Variants in SLC9C1 observed in about 807,000 individuals in gnomAD.
SLC9C1 encodes the protein solute carrier family 9 member C1, also known as sodium/hydrogen exchanger 10.
SLC9C1 carries 97 observed loss-of-function variants against 140.9 expected under a neutral mutation model. The observed-to-expected ratio is 0.69, with a 90% CI of 0.58 to 0.82. The LOEUF (loss-of-function observed/expected upper bound fraction) is 0.82, where lower values mean the gene tolerates loss of function less well. Among genes scored for constraint, SLC9C1 ranks in the 40% least tolerant of loss-of-function variants. The pLI is 0.00. For missense variants in SLC9C1, 1,340 were observed against 1,389.3 expected (o/e 0.96, Z 0.56); for synonymous variants, 440 against 442.6 (o/e 0.99, Z 0.07).
chr3:112,234,969 TG>T (rs1020235184), intron 12 of SLC9C1, among the ~76,000 whole-genome samples: 3 of 151,990 alleles, frequency 2.0e-5, no homozygotes, highest in Non-Finnish European at 4.4e-5. Context: ...GGCTCTTTTT[TG>T]GTTCCACATG....
chr3:112,280,026 CAT>C (rs1256558697), intron 3 of SLC9C1, among the ~76,000 whole-genome samples: 1 of 152,192 alleles, frequency 6.6e-6, no homozygotes, highest in Non-Finnish European at 1.5e-5. Context: ...GTGTCAAAAT[CAT>C]ATGATTACAA....
At chr3:112,258,814 T>A (rs1365570660) in intron 10 of SLC9C1, among the ~76,000 whole-genome samples, 1 of 151,796 alleles carries the variant, frequency 6.6e-6, no homozygotes, top group Non-Finnish European at 1.5e-5. Context: ...TTCTGCAGAG[T>A]GTACAGGAAG....
At chr3:112,217,404 A>T (rs766903197) in intron 15 of SLC9C1, 38 bp downstream of exon 15, 2 of 1,544,458 alleles carry the variant, frequency 1.3e-6, no homozygotes, top group Non-Finnish European at 1.7e-6. Flanking sequence ...TTTCAAGTGA[A>T]TATAATAGCA....
intron 7 of SLC9C1, among the ~76,000 whole-genome samples, chr3:112,267,264 G>A (rs1293563566): frequency 6.6e-6 from 1 of 151,958 alleles, no homozygotes; most frequent in Non-Finnish European, 1.5e-5. Context: ...CTGGGCAACA[G>A]AGCAAGACTC....
chr3:112,217,691 G>A lies in SLC9C1; in HGVS notation c.1671-130C>T, dbSNP rs1205437650. 1.7e-5 allele frequency: 13 copies of A among 747,976 alleles called. No individual in the cohort carries two copies. The Admixed American group carries it at 3.0e-4, about 17-fold the overall frequency. 46.3% of individuals were successfully genotyped at this position (747,976 alleles called of 1,614,324 possible). On this transcript the variant is annotated intron_variant, in intron 14 of 28. Coordinates refer to ENST00000305815, the MANE Select transcript of SLC9C1 (RefSeq NM_183061.3). Reference sequence around the variant, plus strand: ...CAGGAAGACTATTTTGTGCCATGATGGTTGGATTAAGACATTTTCATGGGC... The same window carrying A: ...CAGGAAGACTATTTTGTGCCATGATAGTTGGATTAAGACATTTTCATGGGC...
At chr3:112,236,213 G>A (rs897858229) in intron 12 of SLC9C1, among the ~76,000 whole-genome samples, 5 of 152,018 alleles carry the variant, frequency 3.3e-5, no homozygotes, top group African/African-American at 1.2e-4. Flanking sequence ...TGCATGTGTC[G>A]AGGAATTTAT....
At chr3:112,144,461 A>AT (rs1038924707) in intron 28 of SLC9C1, among the ~76,000 whole-genome samples, 2 of 151,382 alleles carry the variant, frequency 1.3e-5, no homozygotes, top group Admixed American at 6.6e-5. Flanking sequence ...ACACCCGGCC[A>AT]TTTTTTTTCT....
chr3:112,242,952 C>T (rs35140548), intron 11 of SLC9C1, among the ~76,000 whole-genome samples: 35,103 of 152,024 alleles, frequency 0.23, 5,049 homozygotes, highest in Non-Finnish European at 0.33. Context: ...AAATGCAAAT[C>T]AAAATCACAA....
chr3:112,160,257 T>C (rs1319030604), intron 26 of SLC9C1, among the ~76,000 whole-genome samples: 1 of 151,178 alleles, frequency 6.6e-6, no homozygotes, highest in Non-Finnish European at 1.5e-5. Context: ...TATTTATTTA[T>C]TTTTTTAAGT....
chr3:112,245,280 T>C (rs2079249554), intron 10 of SLC9C1, among the ~76,000 whole-genome samples: 1 of 152,214 alleles, frequency 6.6e-6, no homozygotes, highest in Non-Finnish European at 1.5e-5. Flanking sequence ...TTTGAAGAAG[T>C]GTCTGTTCAA....
At chr3:112,267,029 C>G (rs1420022871) in intron 7 of SLC9C1, among the ~76,000 whole-genome samples, 1 of 152,116 alleles carries the variant, frequency 6.6e-6, no homozygotes, top group African/African-American at 2.4e-5. Context: ...ACCTATAATT[C>G]CAGCACTTTG....
chr3:112,181,322 G>C (rs1342924809), intron 21 of SLC9C1, among the ~76,000 whole-genome samples: 2 of 152,080 alleles, frequency 1.3e-5, no homozygotes, highest in African/African-American at 4.8e-5. Flanking sequence ...TAGGCTAATG[G>C]CATGCATATG....
intron 7 of SLC9C1, among the ~76,000 whole-genome samples, chr3:112,269,348 G>C (rs1272063244): frequency 1.3e-5 from 2 of 152,156 alleles, no homozygotes; most frequent in African/African-American, 4.8e-5. Context: ...GGGCTCAGTT[G>C]ATCCTCCTGC....
chr3:112,211,133 C>T (rs1035007716), intron 15 of SLC9C1, among the ~76,000 whole-genome samples: 1 of 152,018 alleles, frequency 6.6e-6, no homozygotes, highest in African/African-American at 2.4e-5. Context: ...TAAATAAGGC[C>T]ATTTTTCAGA....
intron 15 of SLC9C1, among the ~76,000 whole-genome samples, chr3:112,209,763 ATAGT>A (rs1366152204): frequency 6.6e-6 from 1 of 152,196 alleles, no homozygotes; most frequent in African/African-American, 2.4e-5. Flanking sequence ...AAACAACAAA[ATAGT>A]TAGGATTAAT....
chr3:112,160,535 T>C (rs543567512), intron 26 of SLC9C1, among the ~76,000 whole-genome samples: 1 of 151,652 alleles, frequency 6.6e-6, no homozygotes, highest in African/African-American at 2.4e-5. Flanking sequence ...TTTTTTGTTC[T>C]TGCGATAGTT....
At chr3:112,205,350 G>A (rs1288915584) in intron 16 of SLC9C1, among the ~76,000 whole-genome samples, 1 of 151,632 alleles carries the variant, frequency 6.6e-6, no homozygotes, top group Admixed American at 6.6e-5. Context: ...TACAAGGGAC[G>A]TGAAGGACCT....
rs560987214 is a variant in SLC9C1 at position 112,158,466 on chromosome 3, T to C, written c.3365-3417A>G. ...TTGCATCTCTGTTGATCAAGGATAT[T>C]GGCCTATAGTTTTCTATTTTTCCTG... is the stretch of plus-strand genomic sequence containing the variant. On this transcript the variant is annotated intron_variant, in intron 26 of 28. Transcript: ENST00000305815. Among the ~76,000 whole-genome samples, 32 of 152,184 alleles carry C rather than the reference T, an allele frequency of 2.1e-4. No homozygotes were observed. In the South Asian group the frequency reaches 6.4e-3, roughly 31 times the overall value.
chr3:112,222,488 A>C (rs1374016362), intron 13 of SLC9C1, among the ~76,000 whole-genome samples: 1 of 152,174 alleles, frequency 6.6e-6, no homozygotes, highest in Non-Finnish European at 1.5e-5. Context: ...AGTAGAACCC[A>C]AACATTTGAG....
Sources: gnomAD v4.1 joint callset for allele counts (sites outside exome capture counted in the v4.1 genomes callset) on GRCh38, gnomAD v4.1.1 for gene constraint, MANE v1.5 for transcripts, NCBI Gene and HGNC (gene_info 2026-07-23, HGNC 2026-07-21) for gene names.